The following PCDH7 variants were observed in gnomAD, a reference collection of about 807,000 sequenced individuals.
PCDH7 encodes protocadherin 7, also known as protocadherin-7.
Under a neutral mutation model 58.9 loss-of-function variants are expected in PCDH7, and 17 were observed. The observed-to-expected ratio is 0.29, with a 90% CI of 0.20 to 0.43. The LOEUF is 0.43. PCDH7 is among the 20% of genes least tolerant of loss of function. PCDH7 has a pLI of 1.00. For missense variants in PCDH7, 1,274 were observed against 1,441.0 expected (o/e 0.88, Z 1.88); for synonymous variants, 664 against 616.4 (o/e 1.08, Z -1.14).
At position 31,118,964 on chromosome 4, in the gene PCDH7, CT is replaced by C. The variant is rs201736814; in HGVS notation, c.*8-23504del. Among the ~76,000 whole-genome samples the C allele has an allele frequency of 1.1e-3, 172 of 152,206 alleles. 3 individuals are homozygous for C. In the East Asian group the frequency reaches 0.03, roughly 27 times the overall value. ...TTAACCTCTAGGGCGCTACTAAAAA[CT>C]TTTTGAGATTAAAGGTAGATAATGT... On this transcript the variant is annotated intron_variant, in intron 3 of 3. Coordinates refer to the PCDH7 transcript ENST00000509759.
intron 3 of PCDH7, among the ~76,000 whole-genome samples, chr4:31,110,323 A>G (rs1716125820): frequency 6.6e-6 from 1 of 152,214 alleles, no homozygotes; most frequent in Admixed American, 6.5e-5. Flanking sequence ...GAGAAGAAAC[A>G]GCTAATAAAA....
At chr4:30,805,724 A>G (rs1028630683) in intron 1 of PCDH7, among the ~76,000 whole-genome samples, 1 of 152,088 alleles carries the variant, frequency 6.6e-6, no homozygotes, top group African/African-American at 2.4e-5. Flanking sequence ...GTTCCAACCT[A>G]TCAGTCATTA....
downstream of PCDH7, among the ~76,000 whole-genome samples, chr4:30,737,656 C>T (rs77219564): frequency 2.0e-5 from 3 of 152,246 alleles, no homozygotes; most frequent in South Asian, 2.1e-4. Flanking sequence ...GTGCATCAAC[C>T]GAGTGTGGCC....
chr4:30,926,982 G>A (rs7658077), intron 2 of PCDH7, among the ~76,000 whole-genome samples: 105,570 of 151,898 alleles, frequency 0.7, 36,715 homozygotes, highest in East Asian at 0.78. Flanking sequence ...GATAAAATGT[G>A]TGGCCGTATT....
At chr4:31,144,571 A>G (rs1336633975), downstream of PCDH7, 1 of 152,172 alleles carries the variant, frequency 6.6e-6, no homozygotes, top group Non-Finnish European at 1.5e-5. Context: ...TGTAGAAACA[A>G]TGTAGCTTTG....
intron 2 of PCDH7, among the ~76,000 whole-genome samples, chr4:30,943,987 C>G (rs1199065361): frequency 6.6e-6 from 1 of 151,984 alleles, no homozygotes; most frequent in East Asian, 1.9e-4. Context: ...CCAGTGTGGC[C>G]TCCGTGAGGG....
intron 3 of PCDH7, among the ~76,000 whole-genome samples, chr4:31,117,849 G>C (rs1717189377): frequency 6.6e-6 from 1 of 152,146 alleles, no homozygotes; most frequent in East Asian, 1.9e-4. Context: ...AAGGAATTCT[G>C]TCATGAAGGT....
intron 3 of PCDH7, among the ~76,000 whole-genome samples, chr4:30,953,482 A>C (rs1053535893): frequency 6.6e-6 from 1 of 152,106 alleles, no homozygotes; most frequent in Non-Finnish European, 1.5e-5. Context: ...GCCTAAAACA[A>C]GCAATTCAGC....
chr4:30,922,201 G>A (rs1743270018), intron 2 of PCDH7, among the ~76,000 whole-genome samples: 1 of 151,474 alleles, frequency 6.6e-6, no homozygotes, highest in South Asian at 2.1e-4. Flanking sequence ...TGTAATTACA[G>A]TATTTTTAAT....
At chr4:30,823,492 T>C (rs1195659933) in intron 1 of PCDH7, among the ~76,000 whole-genome samples, 3 of 152,098 alleles carry the variant, frequency 2.0e-5, no homozygotes, top group Admixed American at 6.6e-5. Flanking sequence ...CTGTGCAAAA[T>C]GATTATAGTC....
At chr4:31,089,953 G>T (rs1174808458) in intron 3 of PCDH7, among the ~76,000 whole-genome samples, 3 of 152,070 alleles carry the variant, frequency 2.0e-5, no homozygotes, top group East Asian at 1.9e-4. Flanking sequence ...TTTTAGAGTG[G>T]CTTGTCAGAT....
chr4:31,053,769 T>A (rs1756936893), intron 3 of PCDH7, among the ~76,000 whole-genome samples: 1 of 152,212 alleles, frequency 6.6e-6, no homozygotes, highest in Non-Finnish European at 1.5e-5. Context: ...CTAAGCTAAG[T>A]TTTACTTTAT....
At chr4:30,977,460 GGAA>G (rs957242585) in intron 3 of PCDH7, among the ~76,000 whole-genome samples, 1 of 152,102 alleles carries the variant, frequency 6.6e-6, no homozygotes, top group Non-Finnish European at 1.5e-5. Flanking sequence ...AGTCATCAAT[GGAA>G]GACTTTCTTC....
At chr4:30,982,539 G>A (rs981739639) in intron 3 of PCDH7, among the ~76,000 whole-genome samples, 6 of 152,154 alleles carry the variant, frequency 3.9e-5, no homozygotes, top group Non-Finnish European at 7.3e-5. Context: ...TTGTTCTTCC[G>A]AACAGGGCTG....
intron 3 of PCDH7, among the ~76,000 whole-genome samples, chr4:30,992,793 CTTTTTTTTTTTTTTT>C (rs577504420): frequency 4.2e-5 from 4 of 95,666 alleles, no homozygotes; most frequent in African/African-American, 1.3e-4. Context: ...CTGTCCCATT[CTTTTTTTTTTTTTTT>C]TTTTTTTTTT....
intron 3 of PCDH7, among the ~76,000 whole-genome samples, chr4:30,983,514 G>C (rs532276531): frequency 6.6e-6 from 1 of 152,094 alleles, no homozygotes; most frequent in African/African-American, 2.4e-5. Context: ...CAAAGAAAAA[G>C]CTATTTCAAA....
chr4:30,724,850 T>C lies in PCDH7; in HGVS notation c.3174+254T>C, dbSNP rs554133888. 8 of 1,293,640 alleles carry C rather than the reference T, an allele frequency of 6.2e-6. No individual in the cohort carries two copies. The South Asian group carries it at 1.9e-4, about 31-fold the overall frequency. The allele number at this position is 1,293,640 out of a possible 1,614,324, so 80.1% of individuals were successfully genotyped here. On this transcript the variant is annotated intron_variant, in intron 1 of 1. Coordinates refer to ENST00000361762, the Ensembl canonical transcript of PCDH7. ...ATTCAGAGTAGGCAGTGTTTGGCAGTTCTCTTTGCACTTGACATCCCTAAT... is the reference window on the plus strand; with the variant it reads ...ATTCAGAGTAGGCAGTGTTTGGCAGCTCTCTTTGCACTTGACATCCCTAAT...
intron 1 of PCDH7, among the ~76,000 whole-genome samples, chr4:30,821,225 G>A (rs559090098): frequency 1.3e-5 from 2 of 152,278 alleles, no homozygotes; most frequent in East Asian, 3.9e-4. Flanking sequence ...TGAAAATCAA[G>A]TCTTTACTAT....
chr4:30,868,187 C>T (rs2109359732), intron 1 of PCDH7, among the ~76,000 whole-genome samples: 1 of 152,126 alleles, frequency 6.6e-6, no homozygotes, highest in South Asian at 2.1e-4. Context: ...TTTAAAGCTA[C>T]CCTTTCTGGC....
Sources: allele counts gnomAD v4.1 joint callset (sites outside exome capture counted in the v4.1 genomes callset), GRCh38; gene constraint gnomAD v4.1.1; transcripts MANE v1.5; gene names NCBI Gene and HGNC (gene_info 2026-07-23, HGNC 2026-07-21).